CORO2B: variants seen among roughly 807,000 people sequenced by gnomAD.
CORO2B encodes the protein coronin-2B.
Under a neutral mutation model 58.8 loss-of-function variants are expected in CORO2B, and 26 were observed. The ratio of observed to expected loss-of-function variants is 0.44; its 90% confidence interval spans 0.32 to 0.61. CORO2B has a LOEUF of 0.61. CORO2B is among the 20% of genes least tolerant of loss of function. The probability of loss-of-function intolerance (pLI) is 0.04; values close to 1 mark genes in which losing one functional copy is unlikely to be tolerated. For missense variants in CORO2B, 460 were observed against 645.1 expected (o/e 0.71, Z 3.11); for synonymous variants, 242 against 253.8 (o/e 0.95, Z 0.44).
the CORO2B span, among the ~76,000 whole-genome samples, chr15:68,545,785 G>C: frequency 2.0e-5 from 3 of 152,182 alleles, no homozygotes; most frequent in Non-Finnish European, 4.4e-5. Flanking sequence ...TGCCTGGGAG[G>C]CTGGGGGTAC....
upstream of CORO2B, among the ~76,000 whole-genome samples, chr15:68,576,486 G>T (rs754292687): frequency 1.3e-5 from 2 of 152,238 alleles, no homozygotes; most frequent in African/African-American, 2.4e-5. Context: ...TGGCGGGAAA[G>T]GTGCCAAGAG....
At chr15:68,686,194 G>A (rs369462275) in intron 2 of CORO2B, among the ~76,000 whole-genome samples, 52 of 151,026 alleles carry the variant, frequency 3.4e-4, no homozygotes, top group East Asian at 2.1e-3. Context: ...GTGCCACCAC[G>A]CCTGGCTAAT....
chr15:68,703,903 A>G (rs4776421), intron 3 of CORO2B, among the ~76,000 whole-genome samples: 97,423 of 151,938 alleles, frequency 0.64, 32,759 homozygotes, highest in East Asian at 0.87. Context: ...CACATGAAAA[A>G]TATAACTTGG....
intron 1 of CORO2B, among the ~76,000 whole-genome samples, chr15:68,612,589 G>A (rs1234315525): frequency 6.6e-6 from 1 of 152,238 alleles, no homozygotes; most frequent in Non-Finnish European, 1.5e-5. Context: ...GGAGATGGCT[G>A]TTCAGCAGTT....
intron 3 of CORO2B, among the ~76,000 whole-genome samples, chr15:68,707,824 C>G (rs34161654): frequency 0.17 from 26,178 of 152,120 alleles, 2,814 homozygotes; most frequent in Non-Finnish European, 0.24. Flanking sequence ...CTTGTTCCCC[C>G]TGCACCCTCT....
chr15:68,669,089 AAGAAG>A (rs1902297494), intron 2 of CORO2B, among the ~76,000 whole-genome samples: 5 of 148,064 alleles, frequency 3.4e-5, no homozygotes, highest in African/African-American at 2.6e-5. Context: ...GAGAGAGAGA[AAGAAG>A]GAAGGAAGGA....
the CORO2B span, among the ~76,000 whole-genome samples, chr15:68,522,459 C>A: frequency 1.1e-4 from 16 of 151,792 alleles, no homozygotes; most frequent in Non-Finnish European, 8.8e-5. Context: ...TTCTTTCTTT[C>A]TTTTTTTTGA....
intron 9 of CORO2B, 42 bp from the exon 10 acceptor site, chr15:68,719,102 G>C: frequency 6.8e-7 from 1 of 1,468,442 alleles, no homozygotes; most frequent in Non-Finnish European, 9.5e-7. Context: ...GGCTTTCCCA[G>C]CAGCCCCCCA....
chr15:68,648,045 AAAAG>A (rs1416950036), intron 2 of CORO2B, among the ~76,000 whole-genome samples: 3,731 of 147,494 alleles, frequency 0.025, 150 homozygotes, highest in African/African-American at 0.089. Context: ...AAAAAAAAAA[AAAAG>A]AGTCTGGGCA....
the CORO2B span, among the ~76,000 whole-genome samples, chr15:68,544,992 G>T: frequency 6.6e-6 from 1 of 152,136 alleles, no homozygotes; most frequent in Non-Finnish European, 1.5e-5. Context: ...AGCCAGGATG[G>T]TCTCGATCTC....
At chr15:68,638,650 G>A (rs1191815073) in intron 1 of CORO2B, among the ~76,000 whole-genome samples, 1 of 152,192 alleles carries the variant, frequency 6.6e-6, no homozygotes, top group Admixed American at 6.5e-5. Context: ...GTGTTGTATT[G>A]GAAAGAGCAG....
chr15:68,711,780 A>C, intron 5 of CORO2B, 74 bp downstream of exon 5: 1 of 1,569,908 alleles, frequency 6.4e-7, no homozygotes, highest in Non-Finnish European at 8.7e-7. Context: ...CAGGCCTGGA[A>C]GAAAAAGGCT....
Position 68,710,271 on chromosome 15 carries a change from T to C in CORO2B, c.334-461T>C, listed in dbSNP as rs1490028804. ...AGATGCAGTTCCCCCTGCCCAGGGGTCCATCCTGGGTGGGGGACACAGTGG... is the reference window on the plus strand; with the variant it reads ...AGATGCAGTTCCCCCTGCCCAGGGGCCCATCCTGGGTGGGGGACACAGTGG... On this transcript the variant is annotated intron_variant, in intron 3 of 11. Coordinates refer to ENST00000261861, the MANE Select transcript of CORO2B (RefSeq NM_006091.5). This position sits in a 1 kb window ranked among gnomAD's most constrained non-coding sequence, Gnocchi z 4.1. Among the ~76,000 whole-genome samples the C allele has an allele frequency of 6.6e-5, 10 of 152,148 alleles. No individual in the cohort carries two copies. Among genetic ancestry groups the C allele is most frequent in the Non-Finnish European group, 1.5e-5 (1 of 67,964 alleles).
intron 2 of CORO2B, among the ~76,000 whole-genome samples, chr15:68,688,582 T>G (rs184204065): frequency 2.9e-3 from 440 of 152,328 alleles, no homozygotes; most frequent in African/African-American, 0.01. Flanking sequence ...ATACTCAAAC[T>G]GTATAGAACT....
chr15:68,630,138 C>T (rs7171992), intron 1 of CORO2B, among the ~76,000 whole-genome samples: 34,039 of 152,110 alleles, frequency 0.22, 4,403 homozygotes, highest in African/African-American at 0.36. Flanking sequence ...TTCCTCGTGG[C>T]TTCTGTAGCA....
At chr15:68,706,899 A>T (rs1406275143) in intron 3 of CORO2B, among the ~76,000 whole-genome samples, 5 of 151,944 alleles carry the variant, frequency 3.3e-5, no homozygotes, top group Admixed American at 6.6e-5. Flanking sequence ...TTTTGTAAAG[A>T]TGGGGGTCTC....
intron 1 of CORO2B, among the ~76,000 whole-genome samples, chr15:68,593,832 G>C (rs1263543078): frequency 6.6e-6 from 1 of 152,130 alleles, no homozygotes; most frequent in Non-Finnish European, 1.5e-5. Flanking sequence ...GGTCAAGGAA[G>C]GCTTCATGGA....
rs940655346 is a variant in CORO2B at position 68,702,088 on chromosome 15, C to T, written c.333+6832C>T. ...TAAGCGGAAGGACAGATCATGTCCT[C>T]CTCAGGGGGTTGGGTCCAGCCCAGG... On this transcript the variant is annotated intron_variant, in intron 3 of 11. Coordinates refer to ENST00000261861, the MANE Select transcript of CORO2B (RefSeq NM_006091.5). Among the ~76,000 whole-genome samples the T allele has an allele frequency of 7.2e-5, 11 of 152,046 alleles. 1 individual carries two copies. Among genetic ancestry groups the T allele is most frequent in the Non-Finnish European group, 1.3e-4 (9 of 68,014 alleles).
chr15:68,594,028 G>A (rs78402389), intron 1 of CORO2B, among the ~76,000 whole-genome samples: 10,053 of 152,264 alleles, frequency 0.066, 491 homozygotes, highest in Non-Finnish European at 0.093. Context: ...GGAAATGATA[G>A]TCTGAAGTCA....
Sources: allele counts gnomAD v4.1 joint callset (sites outside exome capture counted in the v4.1 genomes callset), GRCh38; gene constraint gnomAD v4.1.1; non-coding constraint Gnocchi (gnomAD v3.1); transcripts MANE v1.5; gene names NCBI Gene and HGNC (gene_info 2026-07-23, HGNC 2026-07-21).